The following NOL12 variants were observed in gnomAD, a reference collection of about 807,000 sequenced individuals.
NOL12 encodes nucleolar protein 12.
Under a neutral mutation model 25.2 loss-of-function variants are expected in NOL12, and 21 were observed. The observed-to-expected ratio is 0.83, with a 90% CI of 0.59 to 1.20. The LOEUF (loss-of-function observed/expected upper bound fraction) is 1.20, where lower values mean the gene tolerates loss of function less well. NOL12 is among the 50% of genes most tolerant of loss of function. The pLI is 0.00. For synonymous variants in NOL12, 133 were observed against 113.8 expected, an observed-to-expected ratio of 1.17 and a Z score of -1.08; for missense variants, 286 against 287.6, an observed-to-expected ratio of 0.99 and a Z score of 0.04.
intron 1 of NOL12, chr22:37,687,657 C>G: frequency 3.1e-6 from 1 of 321,386 alleles, no homozygotes; most frequent in Non-Finnish European, 6.0e-6. Context: ...GGAGTTTCAC[C>G]ATGTTTGCCA....
intron 2 of NOL12, 134 bp downstream of exon 2, chr22:37,688,149 G>A: frequency 9.5e-7 from 1 of 1,057,382 alleles, no homozygotes; most frequent in South Asian, 1.4e-5. Context: ...TTATACAGGT[G>A]GAGACTCTGT....
At position 37,691,329 on chromosome 22, in the gene NOL12, G is replaced by C. The variant is rs752261858; in HGVS notation, c.635G>C (p.Gly212Ala). 6.2e-7 allele frequency: 1 copy of C among 1,609,132 alleles called. No individual in the cohort carries two copies. Among genetic ancestry groups the C allele is most frequent in the Non-Finnish European group, 8.5e-7 (1 of 1,177,356 alleles). ...RRLTGKARHS[G>A]E is the part of the protein sequence containing the mutation. ...CTCACAGGCAAAGCACGGCACAGCG[G>C]GGAGTGAGACCGAGAACGAAGCGGT... Residue 212 changes from glycine to alanine, a missense_variant, in exon 6 of 6, where the codon GGG becomes GCG. Transcript: ENST00000359114.
rs1428759182 is a variant in NOL12, at chr22:37,693,466, C to T, written c.*2130C>T. The T allele has an allele frequency of 2.0e-5, 3 of 152,262 alleles. No homozygotes were observed. The highest frequency in any genetic ancestry group is 7.2e-5 in the African/African-American group (3 of 41,456). The allele number at this position is 152,262 out of a possible 1,614,324, so 9.4% of individuals were successfully genotyped here. On this transcript the variant is annotated 3_prime_UTR_variant, in exon 6 of 6. Coordinates refer to ENST00000359114, the MANE Select transcript of NOL12 (RefSeq NM_024313.3). ...GTGTTTACCAGTATTAAATTCTCAG[C>T]CACTCCTTTCCATGTGTGCCTTCAT...
chr22:37,688,462 T>G (rs1921920134), intron 3 of NOL12, 102 bp downstream of exon 3: 1 of 1,259,232 alleles, frequency 7.9e-7, no homozygotes, highest in African/African-American at 1.5e-5. Context: ...GCCCTAGGGA[T>G]CTTGGGGGGT....
In NOL12 at chr22:37,686,410, G is replaced by A; in HGVS notation, c.18G>A (p.Lys6=). ...TCACTGCTATGGGCCGCAACAAGAA[G>A]AAGAAGCGAGATGGTGACGACCGGC... is the stretch of plus-strand genomic sequence containing the variant. MGRNK[K]KKRDGDDRRP... The change falls in exon 1 of 6, where the codon AAG becomes AAA. Residue 6 remains lysine (K), a synonymous_variant. Coordinates refer to ENST00000359114, the MANE Select transcript of NOL12 (RefSeq NM_024313.3). 1.2e-6 allele frequency: 2 copies of A among 1,605,668 alleles called. No individual in the cohort carries two copies. Among genetic ancestry groups the A allele is most frequent in the African/African-American group, 2.7e-5 (2 of 74,524 alleles).
At chr22:37,688,808 T>C (rs748575117) in intron 3 of NOL12, 42 bp from the exon 4 acceptor site, 2 of 1,611,386 alleles carry the variant, frequency 1.2e-6, no homozygotes, top group South Asian at 1.1e-5. Flanking sequence ...GCCTGGTCAC[T>C]CGTTCCCGTG....
At chr22:37,687,777 G>A in intron 1 of NOL12, 133 bp from the exon 2 acceptor site, 3 of 636,548 alleles carry the variant, frequency 4.7e-6, no homozygotes, top group South Asian at 1.8e-5. Flanking sequence ...AAGGTTAAAT[G>A]AGCTAATACT....
chr22:37,690,721 G>A lies in NOL12; in HGVS notation c.406G>A (p.Glu136Lys). ...PEGGAGDRSE[E>K]EASSTEKPTK... ...GGGAGGGGCTGGAGACAGGTCTGAGGAGGAGGCGTCATCCACGGAGAAACC... is the reference window on the plus strand; with the variant it reads ...GGGAGGGGCTGGAGACAGGTCTGAGAAGGAGGCGTCATCCACGGAGAAACC... The change falls in exon 5 of 6, where the codon GAG (glutamate) becomes AAG (lysine). Residue 136 changes from glutamate (E) to lysine (K), a missense_variant. Coordinates refer to ENST00000359114, the MANE Select transcript of NOL12 (RefSeq NM_024313.3). The A allele has an allele frequency of 6.2e-7, 1 of 1,613,846 alleles. No homozygotes were observed. The highest frequency in any genetic ancestry group is 1.1e-5 in the South Asian group (1 of 91,074).
In NOL12 at chr22:37,691,497, TCAGC is replaced by T; in HGVS notation, c.*162_*165del. 3.3e-6 allele frequency: 1 copy of T among 299,152 alleles called. No homozygotes were observed. The highest frequency in any genetic ancestry group is 4.7e-6 in the Non-Finnish European group (1 of 213,706). The allele number at this position is 299,152 out of a possible 1,614,324, so 18.5% of individuals were successfully genotyped here. On this transcript the variant is annotated 3_prime_UTR_variant, in exon 6 of 6. Transcript: ENST00000359114. ...TGGGGCCAGCTGCCTTTGCCTGGGG[TCAGC>T]TGCCTTTGCCTGGGGTTTGAATTCC...
chr22:37,687,263 C>G lies in NOL12; in HGVS notation c.84-647C>G, dbSNP rs770965700. On this transcript the variant is annotated intron_variant, in intron 1 of 5. Transcript: ENST00000359114. The stretch of plus-strand genomic sequence containing the variant: ...TACCTCATGTACTGTGTGTGGCCCC[C>G]CCCCCCACCCGCCCCACAGCCTGGC... Among the ~76,000 whole-genome samples, 316 of 136,698 alleles carry G rather than the reference C, an allele frequency of 2.3e-3. 2 individuals carry two copies. The highest frequency in any genetic ancestry group is 3.3e-3 in the Non-Finnish European group (209 of 62,812). 89.7% of individuals were successfully genotyped at this position (136,698 alleles called of 152,430 possible).
chr22:37,688,401 G>C (rs1192254734), intron 3 of NOL12, 41 bp downstream of exon 3: 1 of 1,603,206 alleles, frequency 6.2e-7, no homozygotes, highest in African/African-American at 1.3e-5. Context: ...ACAGCTGATG[G>C]GCCTGGTTTA....
intron 1 of NOL12, chr22:37,686,751 C>CCCAGT: frequency 2.2e-5 from 22 of 985,474 alleles, no homozygotes; most frequent in Non-Finnish European, 2.7e-5. Context: ...CCTAGCCCAG[C>CCCAGT]CCAGTCCATC....
Position 37,688,019 on chromosome 22 carries a change from C to G in NOL12, c.189+4C>G, listed in dbSNP as rs1040974022. Reference sequence around the variant, plus strand: ...GCAGAGGAAGCTTCGGGAGGAGGTACGCAGGGGGAAGGTGGGAGGGAGGTC... The same window carrying G: ...GCAGAGGAAGCTTCGGGAGGAGGTAGGCAGGGGGAAGGTGGGAGGGAGGTC... On this transcript the variant is annotated splice_donor_region_variant and intron_variant, in intron 2 of 5. Transcript: ENST00000359114. 1.3e-6 allele frequency: 2 copies of G among 1,545,932 alleles called. No homozygotes were observed. The highest frequency in any genetic ancestry group is 8.8e-7 in the Non-Finnish European group (1 of 1,139,262).
intron 1 of NOL12, chr22:37,687,650 G>A (rs1921879929): frequency 6.3e-6 from 2 of 317,234 alleles, no homozygotes; most frequent in Non-Finnish European, 1.2e-5. Flanking sequence ...TAGACACGGA[G>A]TTTCACCATG....
chr22:37,689,107 G>A (rs1921952515), intron 4 of NOL12, 115 bp downstream of exon 4: 2 of 1,286,170 alleles, frequency 1.6e-6, no homozygotes, highest in South Asian at 1.3e-5. Flanking sequence ...GGGAAGAAGG[G>A]GCGTGGGGGC....
Position 37,686,360 on chromosome 22 carries a change from C to A in NOL12, c.-33C>A. The A allele has an allele frequency of 6.4e-7, 1 of 1,574,516 alleles. No homozygotes were observed. The highest frequency in any genetic ancestry group is 1.2e-5 in the South Asian group (1 of 85,560). On this transcript the variant is annotated 5_prime_UTR_variant, in exon 1 of 6. Transcript: ENST00000359114. Reference sequence around the variant, plus strand: ...ATGAGTACGCTACACCCGGAAGTGTCTTCAGGGAGAGGAAGCCGGCGGCCT... The same window carrying A: ...ATGAGTACGCTACACCCGGAAGTGTATTCAGGGAGAGGAAGCCGGCGGCCT...
At chr22:37,690,921 C>A in intron 5 of NOL12, 127 bp downstream of exon 5, 2 of 735,830 alleles carry the variant, frequency 2.7e-6, no homozygotes, top group Non-Finnish European at 2.3e-6. Flanking sequence ...TGATCCTCTG[C>A]CTCTCCTCAT....
intron 1 of NOL12, among the ~76,000 whole-genome samples, chr22:37,687,260 C>T (rs1219046085): frequency 3.1e-4 from 3 of 9,736 alleles, no homozygotes; most frequent in Non-Finnish European, 8.2e-4. Flanking sequence ...TGTGTGTGGC[C>T]CCCCCCCCCA....
At chr22:37,691,086 G>T (rs1347007848) in intron 5 of NOL12, 88 bp from the exon 6 acceptor site, 8 of 1,461,920 alleles carry the variant, frequency 5.5e-6, no homozygotes, top group Middle Eastern at 1.8e-4. Context: ...CCTGGCATTC[G>T]CAACCTGTCC....
Sources: allele counts gnomAD v4.1 joint callset (sites outside exome capture counted in the v4.1 genomes callset), GRCh38; gene constraint gnomAD v4.1.1; transcripts MANE v1.5; gene names NCBI Gene and HGNC (gene_info 2026-07-23, HGNC 2026-07-21).